ELN: variants seen among roughly 807,000 people sequenced by gnomAD.
The protein encoded by ELN is elastin.
A neutral mutation model predicts 105.8 loss-of-function variants in ELN; 65 were observed. That is an observed-to-expected ratio of 0.61 (90% CI 0.50 to 0.75). The LOEUF (loss-of-function observed/expected upper bound fraction) is 0.75, where lower values mean the gene tolerates loss of function less well. Among genes scored for constraint, ELN ranks in the 30% least tolerant of loss-of-function variants. The probability of loss-of-function intolerance (pLI) is 0.00; values close to 1 mark genes in which losing one functional copy is unlikely to be tolerated. For missense variants in ELN, 882 were observed against 969.4 expected (o/e 0.91, Z 1.20); for synonymous variants, 368 against 389.2 (o/e 0.95, Z 0.64).
At chr7:74,058,651 C>T (rs1362229332) in intron 22 of ELN, among the ~76,000 whole-genome samples, 4 of 152,144 alleles carry the variant, frequency 2.6e-5, no homozygotes, top group East Asian at 1.9e-4. Context: ...CCACCACACC[C>T]GGCCTGCAGT....
chr7:74,042,159 C>T (rs1460046809), intron 5 of ELN, among the ~76,000 whole-genome samples: 3 of 151,828 alleles, frequency 2.0e-5, no homozygotes, highest in Admixed American at 6.6e-5. Context: ...GTGGCTCACG[C>T]CTGTAATCCT....
At chr7:74,056,246 C>G in intron 19 of ELN, 25 bp from the exon 20 acceptor site, 24 of 1,614,254 alleles carry the variant, frequency 1.5e-5, no homozygotes, top group Non-Finnish European at 1.9e-5. Context: ...AGCTTCTTTT[C>G]TACTTGGCTC....
At chr7:74,034,069 A>G (rs554018672) in intron 1 of ELN, among the ~76,000 whole-genome samples, 66 of 152,234 alleles carry the variant, frequency 4.3e-4, no homozygotes, top group African/African-American at 1.6e-3. Context: ...TCCTTAGGAA[A>G]CTATTCACTG....
Position 74,048,516 on chromosome 7 carries a change from GGCAGCAGCAGCAGCGGCAGCTAAA to G in ELN, c.769_792del (p.Ala257_Ala264del). 1 of 1,613,998 alleles carries G rather than the reference GGCAGCAGCAGCAGCGGCAGCTAAA, an allele frequency of 6.2e-7. No individual in the cohort carries two copies. The highest frequency in any genetic ancestry group is 8.5e-7 in the Non-Finnish European group (1 of 1,179,928). ...TCCTTCCCCCAGGGGTTGGCCCCCA[GGCAGCAGCAGCAGCGGCAGCTAAA>G]GCAGCAGCAAAGTTCGGTGAGTGCC... On this transcript the variant is annotated inframe_deletion, in exon 15 of 33. Transcript: ENST00000252034.
chr7:74,063,698 G>A lies in ELN; in HGVS notation c.1993+3G>A. ...TCCAGGTGTTGGGGGCCTTGGAGGTGAGAGTTGTTCTGAAATCAGTGAGTG... is the reference window on the plus strand; with the variant it reads ...TCCAGGTGTTGGGGGCCTTGGAGGTAAGAGTTGTTCTGAAATCAGTGAGTG... On this transcript the variant is annotated splice_donor_region_variant and intron_variant, in intron 29 of 32. Coordinates refer to ENST00000252034, the MANE Select transcript of ELN (RefSeq NM_000501.4). The surrounding 1 kb of genome is among the most constrained non-coding windows in gnomAD (Gnocchi z 4.1). 1 of 1,614,212 alleles carries A rather than the reference G, an allele frequency of 6.2e-7. No individual in the cohort carries two copies.
At chr7:74,033,337 G>T (rs1286078350) in intron 1 of ELN, among the ~76,000 whole-genome samples, 2 of 152,246 alleles carry the variant, frequency 1.3e-5, no homozygotes, top group African/African-American at 2.4e-5. Context: ...ATGAGGGAGA[G>T]GGGGAGAAAG....
chr7:74,065,845 A>G, intron 30 of ELN, 99 bp from the exon 31 acceptor site: 14 of 1,610,994 alleles, frequency 8.7e-6, no homozygotes, highest in Non-Finnish European at 1.1e-5. Context: ...ACCCCTGAAG[A>G]TCTTGTCTGG....
chr7:74,060,646 A>G (rs1554683903), intron 25 of ELN, 145 bp downstream of exon 25: 1 of 1,551,518 alleles, frequency 6.4e-7, no homozygotes, highest in Admixed American at 2.0e-5. Context: ...ATCTGGGGGT[A>G]ACAGATAGCG....
At chr7:74,039,423 G>A (rs1236665453) in intron 4 of ELN, among the ~76,000 whole-genome samples, 2 of 152,244 alleles carry the variant, frequency 1.3e-5, no homozygotes, top group East Asian at 1.9e-4. Context: ...CCCCCAGGGA[G>A]GCCCCCACAT....
Position 74,046,176 on chromosome 7 carries a change from T to A in ELN, c.542-12T>A, listed in dbSNP as rs1188433174. On this transcript the variant is annotated splice_polypyrimidine_tract_variant and intron_variant, in intron 10 of 32. Coordinates refer to ENST00000252034, the MANE Select transcript of ELN (RefSeq NM_000501.4). ...GTTCCAGGGCTGTAGTGACAGCTTT[T>A]TATCATTACAGGTGTAGGTGGAGCT... is the stretch of plus-strand genomic sequence containing the variant. 2.4e-5 allele frequency: 39 copies of A among 1,614,122 alleles called. No individual in the cohort carries two copies. Among genetic ancestry groups the A allele is most frequent in the Non-Finnish European group, 3.1e-5 (36 of 1,180,050 alleles).
chr7:74,045,145 G>A, intron 9 of ELN, 77 bp from the exon 10 acceptor site: 6 of 1,553,102 alleles, frequency 3.9e-6, no homozygotes, highest in South Asian at 2.2e-5. Flanking sequence ...TCAGCTGGGG[G>A]ACCCGAGGAG....
intron 5 of ELN, among the ~76,000 whole-genome samples, chr7:74,041,912 G>A (rs542154161): frequency 6.6e-5 from 10 of 152,174 alleles, no homozygotes; most frequent in Non-Finnish European, 1.0e-4. Context: ...GCTAATTTTT[G>A]TATTCTTAGT....
chr7:74,046,078 T>C, intron 10 of ELN, 110 bp from the exon 11 acceptor site: 1 of 1,449,024 alleles, frequency 6.9e-7, no homozygotes, highest in East Asian at 2.3e-5. Flanking sequence ...CAGCATGCGA[T>C]GACTGGTCTG....
chr7:74,048,423 T>C, intron 14 of ELN, 80 bp from the exon 15 acceptor site: 1 of 1,607,504 alleles, frequency 6.2e-7, no homozygotes, highest in Non-Finnish European at 8.5e-7. Flanking sequence ...GGATTGGCTC[T>C]CTTGGGGCTG....
At chr7:74,030,093 T>C (rs1554661343) in intron 1 of ELN, among the ~76,000 whole-genome samples, 1 of 152,228 alleles carries the variant, frequency 6.6e-6, no homozygotes, top group Non-Finnish European at 1.5e-5. Context: ...CAGAGATCAA[T>C]CTCAGCTCTG....
Position 74,069,894 on chromosome 7 carries a change from A to G in ELN, c.*1194A>G, listed in dbSNP as rs10233395. On this transcript the variant is annotated 3_prime_UTR_variant, in exon 33 of 33. Transcript: ENST00000252034. ...TTCAGAAATGACTAATAAATGAAAA[A>G]CCTTTAAAGGAAACTGTGTCTTAGC... 0.11 allele frequency: 20,623 copies of G among 184,890 alleles called. 1,775 individuals carry two copies. Among genetic ancestry groups the G allele is most frequent in the African/African-American group, 0.25 (10,817 of 42,570 alleles). The allele number at this position is 184,890 out of a possible 1,614,324, so 11.5% of individuals were successfully genotyped here. A position where few individuals can be genotyped will look rare whatever the true frequency, so the allele number is the denominator to read the frequency against.
intron 1 of ELN, among the ~76,000 whole-genome samples, chr7:74,033,612 G>A (rs1257795906): frequency 6.6e-6 from 1 of 152,224 alleles, no homozygotes; most frequent in African/African-American, 2.4e-5. Flanking sequence ...AGGGGGTGGC[G>A]CCGGGGTCTT....
At chr7:74,035,284 A>G in intron 1 of ELN, 80 bp from the exon 2 acceptor site, 1 of 1,472,072 alleles carries the variant, frequency 6.8e-7, no homozygotes, top group Non-Finnish European at 9.5e-7. Flanking sequence ...ATTGAAAGTA[A>G]TGGCAAAAAT....
At chr7:74,057,382 G>T in intron 21 of ELN, 1 of 1,499,542 alleles carries the variant, frequency 6.7e-7, no homozygotes, top group Non-Finnish European at 8.8e-7. Context: ...ACTCCCCGAG[G>T]TGCTGCAGGA....
Sources: gnomAD v4.1 joint callset for allele counts (sites outside exome capture counted in the v4.1 genomes callset) on GRCh38, gnomAD v4.1.1 for gene constraint, Gnocchi (gnomAD v3.1) non-coding constraint, MANE v1.5 for transcripts, NCBI Gene and HGNC (gene_info 2026-07-23, HGNC 2026-07-21) for gene names.